The following PIEZO2 variants were observed in gnomAD, a reference collection of about 807,000 sequenced individuals.
The protein encoded by PIEZO2 is piezo-type mechanosensitive ion channel component 2.
PIEZO2 carries 172 observed loss-of-function variants against 337.3 expected under a neutral mutation model. The ratio of observed to expected loss-of-function variants is 0.51; its 90% confidence interval spans 0.45 to 0.58. The LOEUF is 0.58. Among genes scored for constraint, PIEZO2 ranks in the 20% least tolerant of loss-of-function variants. PIEZO2 has a pLI of 0.00. For missense variants in PIEZO2, 3,028 were observed against 3,391.3 expected, an observed-to-expected ratio of 0.89 and a Z score of 2.66; for synonymous variants, 1,251 against 1,228.5, an observed-to-expected ratio of 1.02 and a Z score of -0.38.
At chr18:10,992,106 G>C (rs1402455842) in intron 2 of PIEZO2, among the ~76,000 whole-genome samples, 2 of 152,000 alleles carry the variant, frequency 1.3e-5, no homozygotes, top group African/African-American at 4.8e-5. Context: ...ATTTGTTTAA[G>C]CTCTTTGTAG....
chr18:10,876,815 C>T (rs973890356), intron 4 of PIEZO2, among the ~76,000 whole-genome samples: 2 of 152,172 alleles, frequency 1.3e-5, no homozygotes, highest in Non-Finnish European at 2.9e-5. Flanking sequence ...GCCCATCATC[C>T]ACCTAATGCA....
At chr18:10,892,932 CAGAA>C (rs2144946155) in intron 4 of PIEZO2, among the ~76,000 whole-genome samples, 1 of 152,306 alleles carries the variant, frequency 6.6e-6, no homozygotes, top group East Asian at 1.9e-4. Flanking sequence ...TCTCAACATT[CAGAA>C]AGAAATATGG....
At chr18:10,796,778 C>A (rs1186096971) in intron 12 of PIEZO2, among the ~76,000 whole-genome samples, 1 of 152,182 alleles carries the variant, frequency 6.6e-6, no homozygotes, top group Non-Finnish European at 1.5e-5. Context: ...TTCTCCAGCA[C>A]CCTGGCAGCC....
At chr18:10,680,052 A>G (rs904030894) in intron 52 of PIEZO2, 147 bp downstream of exon 52, 2 of 558,666 alleles carry the variant, frequency 3.6e-6, no homozygotes, top group African/African-American at 3.9e-5. Flanking sequence ...TTTGGCATTG[A>G]AGGTAAGTTC....
chr18:10,711,834 T>C (rs1229097701), intron 39 of PIEZO2, among the ~76,000 whole-genome samples: 1 of 152,220 alleles, frequency 6.6e-6, no homozygotes, highest in South Asian at 2.1e-4. Context: ...TTGGTTAAGT[T>C]CACTAGAGCT....
intron 21 of PIEZO2, among the ~76,000 whole-genome samples, chr18:10,769,135 G>A (rs1225418040): frequency 1.3e-5 from 2 of 152,150 alleles, no homozygotes; most frequent in Non-Finnish European, 1.5e-5. Flanking sequence ...TATCTGAACT[G>A]TTCAATTCAC....
At position 10,679,085 on chromosome 18, in the gene PIEZO2, A is replaced by G. The variant is rs189166279; in HGVS notation, c.7952+1114T>C. Among the ~76,000 whole-genome samples the G allele has an allele frequency of 3.9e-5, 6 of 152,162 alleles. No homozygotes were observed. The East Asian group carries it at 7.7e-4, about 20-fold the overall frequency. On this transcript the variant is annotated intron_variant, in intron 52 of 55. Coordinates refer to ENST00000674853, the MANE Select transcript of PIEZO2 (RefSeq NM_001378183.1). ...GTAGCTGGGATTACAGGCATGCGCT[A>G]CTACCTCCCAGCTGATTTTTGTATT...
rs1389296238 is a variant in PIEZO2 at position 11,111,980 on chromosome 18, G to T, written c.64+36545C>A. On this transcript the variant is annotated intron_variant, in intron 1 of 55. Transcript: ENST00000674853. The surrounding 1 kb of genome is among the most constrained non-coding windows in gnomAD (Gnocchi z 6.2). The stretch of plus-strand genomic sequence containing the variant: ...GTCCCCTTGAATCCTCTGAGGTTCT[G>T]ACTTAAGAGGGAAAATGGTAGGGGA... Among the ~76,000 whole-genome samples, 1 of 152,120 alleles carries T rather than the reference G, an allele frequency of 6.6e-6. No homozygotes were observed. The highest frequency in any genetic ancestry group is 1.5e-5 in the Non-Finnish European group (1 of 68,020).
intron 1 of PIEZO2, among the ~76,000 whole-genome samples, chr18:11,076,252 A>G (rs753445212): frequency 2.6e-5 from 4 of 152,224 alleles, no homozygotes. Flanking sequence ...AAACACAGAA[A>G]CATTGTATTC....
intron 7 of PIEZO2, among the ~76,000 whole-genome samples, chr18:10,844,445 A>AAAAT (rs1239352675): frequency 2.7e-5 from 4 of 150,646 alleles, no homozygotes; most frequent in South Asian, 2.1e-4. Context: ...AAAATAAAAT[A>AAAAT]AAAATAAAGG....
intron 21 of PIEZO2, among the ~76,000 whole-genome samples, chr18:10,768,395 T>C (rs2038455890): frequency 6.6e-6 from 1 of 152,198 alleles, no homozygotes; most frequent in African/African-American, 2.4e-5. Flanking sequence ...AATTGATTGC[T>C]TAGTGTGCCA....
In PIEZO2 at chr18:10,715,969, G is replaced by A. The variant is rs1263814633; in HGVS notation, c.5090-153C>T. ...ACTCAGATACTCATGACGCACGGAG[G>A]AGAGCTGCCATGCAGGAAGCTTTTG... On this transcript the variant is annotated intron_variant, in intron 37 of 55. Transcript: ENST00000674853. 2.6e-5 allele frequency among the ~76,000 whole-genome samples: 4 copies of A among 152,340 alleles called. 1 individual carries two copies. Among genetic ancestry groups the A allele is most frequent in the Middle Eastern group, 6.8e-3 (2 of 294 alleles).
At chr18:11,066,691 C>A (rs2038163392) in intron 1 of PIEZO2, among the ~76,000 whole-genome samples, 1 of 152,190 alleles carries the variant, frequency 6.6e-6, no homozygotes, top group Non-Finnish European at 1.5e-5. Flanking sequence ...CCTCTGCCTC[C>A]TGGGTTCAAG....
At position 11,142,778 on chromosome 18, in the gene PIEZO2, C is replaced by CCAAA. The variant is rs1252321162; in HGVS notation, c.64+5746_64+5747insTTTG. 2.6e-4 allele frequency among the ~76,000 whole-genome samples: 30 copies of CCAAA among 116,172 alleles called. 1 individual carries two copies. The highest frequency in any genetic ancestry group is 8.9e-4 in the African/African-American group (27 of 30,470). 76.2% of individuals were successfully genotyped at this position (116,172 alleles called of 152,430 possible). ...CCTAGGCATCAGAGTGAGATTATCG[C>CCAAA]AAAAAAAAAAAAAAAAAGGACCGGG... On this transcript the variant is annotated intron_variant, in intron 1 of 55. Coordinates refer to ENST00000674853, the MANE Select transcript of PIEZO2 (RefSeq NM_001378183.1).
intron 36 of PIEZO2, among the ~76,000 whole-genome samples, chr18:10,720,188 T>G (rs1260738511): frequency 7.0e-6 from 1 of 142,296 alleles, no homozygotes; most frequent in Non-Finnish European, 1.5e-5. Flanking sequence ...GCTTCATATA[T>G]AGAGAGAGGA....
chr18:10,850,572 C>G lies in PIEZO2; in HGVS notation c.917+4781G>C, dbSNP rs755233939. Among the ~76,000 whole-genome samples the G allele has an allele frequency of 6.6e-6, 1 of 152,150 alleles. No homozygotes were observed. Among genetic ancestry groups the G allele is most frequent in the Admixed American group, 6.5e-5 (1 of 15,276 alleles). Reference sequence around the variant, plus strand: ...GAGAACAAAAATGAGAAATCATCTACGTGGTTAAAACTCAGGGGTTGACTA... The same window carrying G: ...GAGAACAAAAATGAGAAATCATCTAGGTGGTTAAAACTCAGGGGTTGACTA... On this transcript the variant is annotated intron_variant, in intron 7 of 55. Transcript: ENST00000674853. The surrounding 1 kb of genome is among the most constrained non-coding windows in gnomAD (Gnocchi z 4.5).
At position 11,028,774 on chromosome 18, in the gene PIEZO2, A is replaced by G. The variant is rs2625365; in HGVS notation, c.160+37353T>C. On this transcript the variant is annotated intron_variant, in intron 2 of 55. Transcript: ENST00000674853. This position sits in a 1 kb window ranked among gnomAD's most constrained non-coding sequence, Gnocchi z 4.8. ...AATACATGGCCAGCCAGCGTTGGCCATGGTGCTGTGCAGCTCATCAGGATT... is the reference window on the plus strand; with the variant it reads ...AATACATGGCCAGCCAGCGTTGGCCGTGGTGCTGTGCAGCTCATCAGGATT... 0.19 allele frequency among the ~76,000 whole-genome samples: 28,176 copies of G among 152,178 alleles called. 2,720 individuals are homozygous for G. Among genetic ancestry groups the G allele is most frequent in the Non-Finnish European group, 0.2 (13,441 of 67,996 alleles).
chr18:10,681,081 T>C (rs974864360), intron 51 of PIEZO2, among the ~76,000 whole-genome samples: 1 of 152,240 alleles, frequency 6.6e-6, no homozygotes, highest in African/African-American at 2.4e-5. Context: ...ATGTCATTTA[T>C]AGTCTCTGTA....
intron 1 of PIEZO2, among the ~76,000 whole-genome samples, chr18:11,108,655 T>A (rs1036286932): frequency 6.7e-6 from 1 of 150,214 alleles, no homozygotes; most frequent in African/African-American, 2.5e-5. Flanking sequence ...ACAGCTGACA[T>A]TGATTTCACA....
Sources: gnomAD v4.1 joint callset for allele counts (sites outside exome capture counted in the v4.1 genomes callset) on GRCh38, gnomAD v4.1.1 for gene constraint, Gnocchi (gnomAD v3.1) non-coding constraint, MANE v1.5 for transcripts, NCBI Gene and HGNC (gene_info 2026-07-23, HGNC 2026-07-21) for gene names.